The following VWA8 variants were observed in gnomAD, a reference collection of about 807,000 sequenced individuals.
The protein encoded by VWA8 is von Willebrand factor A domain containing 8.
In VWA8, 221 loss-of-function variants were observed where a neutral mutation model predicts 241.5. That is an observed-to-expected ratio of 0.91 (90% CI 0.82 to 1.02). The LOEUF (loss-of-function observed/expected upper bound fraction) is 1.02. Ranked by LOEUF, VWA8 falls within the 50% of genes least tolerant of loss-of-function variation. The pLI is 0.00. For synonymous variants in VWA8, 852 were observed against 827.1 expected (o/e 1.03, Z -0.52); for missense variants, 2,322 against 2,328.7 (o/e 1.00, Z 0.06).
At chr13:41,717,170 T>C (rs932239389) in intron 26 of VWA8, among the ~76,000 whole-genome samples, 2 of 151,956 alleles carry the variant, frequency 1.3e-5, no homozygotes, top group African/African-American at 4.8e-5. Context: ...TATTTTACAC[T>C]CTTTTTACAG....
chr13:41,731,935 A>T, intron 22 of VWA8, 145 bp downstream of exon 22: 1 of 634,916 alleles, frequency 1.6e-6, no homozygotes, highest in Non-Finnish European at 2.6e-6. Context: ...TTTTCTTTAT[A>T]AATTACCCCG....
At chr13:41,568,895 A>G (rs114798921) in intron 44 of VWA8, among the ~76,000 whole-genome samples, 2,632 of 152,292 alleles carry the variant, frequency 0.017, 83 homozygotes, top group African/African-American at 0.059. Flanking sequence ...TTTCCAACTC[A>G]TTTTTAAGTG....
chr13:41,586,876 G>C (rs1315593918), intron 42 of VWA8, among the ~76,000 whole-genome samples: 2 of 152,088 alleles, frequency 1.3e-5, no homozygotes, highest in Non-Finnish European at 2.9e-5. Flanking sequence ...TGTTTGCTCT[G>C]GTAAGGGCCA....
At chr13:41,886,942 A>T in intron 6 of VWA8, 112 bp from the exon 7 acceptor site, 1 of 927,134 alleles carries the variant, frequency 1.1e-6, no homozygotes, top group Non-Finnish European at 1.6e-6. Flanking sequence ...CTAAATATTT[A>T]ACAGCAAAAA....
chr13:41,940,662 C>T lies in VWA8; in HGVS notation c.241+9274G>A, dbSNP rs375738282. ...TATCTGTCTAATCAATATGTAGCAA[C>T]TGCATAATGCATATGTGGCTAAAGA... On this transcript the variant is annotated intron_variant, in intron 2 of 44. Transcript: ENST00000379310. 4.9e-4 allele frequency among the ~76,000 whole-genome samples: 74 copies of T among 152,324 alleles called. 2 individuals carry two copies. The South Asian group carries it at 0.014, about 29-fold the overall frequency.
chr13:41,822,868 T>G (rs959352199), intron 14 of VWA8, among the ~76,000 whole-genome samples: 1 of 152,144 alleles, frequency 6.6e-6, no homozygotes, highest in Admixed American at 6.6e-5. Flanking sequence ...GCACACACTA[T>G]GTGATTCCAT....
chr13:41,758,285 GTTAAA>G (rs1486220539), intron 21 of VWA8, among the ~76,000 whole-genome samples: 1 of 147,646 alleles, frequency 6.8e-6, no homozygotes, highest in Non-Finnish European at 1.5e-5. Flanking sequence ...CATATATTCT[GTTAAA>G]TTAATTTATT....
chr13:41,693,400 GCT>G (rs1358946892), intron 29 of VWA8, among the ~76,000 whole-genome samples: 2 of 151,980 alleles, frequency 1.3e-5, no homozygotes, highest in Admixed American at 1.3e-4. Flanking sequence ...TCAGTTGAAA[GCT>G]CTCTTATATT....
chr13:41,885,327 C>T (rs574655145), intron 8 of VWA8, among the ~76,000 whole-genome samples: 4 of 152,328 alleles, frequency 2.6e-5, no homozygotes, highest in African/African-American at 4.8e-5. Context: ...CAGACATGAC[C>T]GCCATGCCCT....
intron 21 of VWA8, among the ~76,000 whole-genome samples, chr13:41,756,485 A>G (rs1424123013): frequency 6.6e-6 from 1 of 151,814 alleles, no homozygotes; most frequent in East Asian, 1.9e-4. Flanking sequence ...ATGTAAAATG[A>G]CTTTCTTTTT....
intron 35 of VWA8, among the ~76,000 whole-genome samples, chr13:41,676,199 T>C (rs928779567): frequency 6.6e-6 from 1 of 152,198 alleles, no homozygotes; most frequent in African/African-American, 2.4e-5. Context: ...GGTGTATTTG[T>C]GGACTTAATT....
chr13:41,816,892 A>G, intron 15 of VWA8, 117 bp from the exon 16 acceptor site: 1 of 814,736 alleles, frequency 1.2e-6, no homozygotes, highest in Non-Finnish European at 2.0e-6. Flanking sequence ...TAGAAAAGTC[A>G]TTCATTGTTG....
intron 37 of VWA8, among the ~76,000 whole-genome samples, chr13:41,666,843 A>G (rs2137795227): frequency 6.6e-6 from 1 of 152,316 alleles, no homozygotes; most frequent in East Asian, 1.9e-4. Context: ...ACCCAGCTCT[A>G]CTGACACGTG....
At chr13:41,918,071 G>T (rs1006783660) in intron 2 of VWA8, among the ~76,000 whole-genome samples, 1 of 152,066 alleles carries the variant, frequency 6.6e-6, no homozygotes, top group Non-Finnish European at 1.5e-5. Flanking sequence ...TTTACAACAC[G>T]AACTAACTGA....
At chr13:41,841,656 G>A in intron 12 of VWA8, among the ~76,000 whole-genome samples, 1 of 148,564 alleles carries the variant, frequency 6.7e-6, no homozygotes, top group African/African-American at 2.5e-5. Flanking sequence ...TGTGGTGGCG[G>A]GCGCCTGTAG....
At position 41,857,745 on chromosome 13, in the gene VWA8, T is replaced by C. The variant is rs772774832; in HGVS notation, c.1425+7991A>G. Among the ~76,000 whole-genome samples the C allele has an allele frequency of 6.8e-4, 104 of 152,170 alleles. 3 individuals carry two copies. Among genetic ancestry groups the C allele is most frequent in the Non-Finnish European group, 1.6e-4 (11 of 68,014 alleles). On this transcript the variant is annotated intron_variant, in intron 12 of 44. Transcript: ENST00000379310. ...TAGAAATTTCATTCTGCTAACTCTTTAGGCACTGTGATGGTTAATTTTATG... is the reference window on the plus strand; with the variant it reads ...TAGAAATTTCATTCTGCTAACTCTTCAGGCACTGTGATGGTTAATTTTATG...
chr13:41,891,299 C>T, intron 5 of VWA8, 121 bp downstream of exon 5: 2 of 1,199,882 alleles, frequency 1.7e-6, no homozygotes, highest in Non-Finnish European at 2.3e-6. Flanking sequence ...TAGCAATTTA[C>T]CCAAGATAAG....
intron 23 of VWA8, among the ~76,000 whole-genome samples, chr13:41,727,958 G>C (rs1334095338): frequency 6.6e-6 from 1 of 152,130 alleles, no homozygotes; most frequent in Non-Finnish European, 1.5e-5. Flanking sequence ...CTACTGGCTA[G>C]TGTACATTTC....
intron 37 of VWA8, among the ~76,000 whole-genome samples, chr13:41,621,085 C>T (rs2044654192): frequency 6.6e-6 from 1 of 152,120 alleles, no homozygotes; most frequent in Admixed American, 6.6e-5. Flanking sequence ...CATAACTTTT[C>T]AACTTTACAA....
Sources: gnomAD v4.1 joint callset for allele counts (sites outside exome capture counted in the v4.1 genomes callset) on GRCh38, gnomAD v4.1.1 for gene constraint, MANE v1.5 for transcripts, NCBI Gene and HGNC (gene_info 2026-07-23, HGNC 2026-07-21) for gene names.